The following CASK variants were observed in gnomAD, a reference collection of about 807,000 sequenced individuals.
CASK encodes calcium/calmodulin dependent serine protein kinase.
A neutral mutation model predicts 82.9 loss-of-function variants in CASK; 4 were observed. The observed-to-expected ratio is 0.05, with a 90% CI of 0.02 to 0.11. CASK has a LOEUF of 0.11. CASK is among the 10% of genes least tolerant of loss of function. CASK has a pLI of 1.00. For synonymous variants in CASK, 259 were observed against 253.5 expected, an observed-to-expected ratio of 1.02 and a Z score of -0.20; for missense variants, 358 against 720.9, an observed-to-expected ratio of 0.50 and a Z score of 5.76.
intron 3 of CASK, among the ~76,000 whole-genome samples, chrX:41,746,030 A>G (rs375176391): frequency 8.9e-6 from 1 of 112,162 alleles, no homozygotes; most frequent in East Asian, 2.8e-4. Flanking sequence ...TTCAGGCTAT[A>G]TACTGTGGAA....
intron 3 of CASK, among the ~76,000 whole-genome samples, chrX:41,771,202 A>G (rs1055245993): frequency 1.8e-5 from 2 of 112,280 alleles, no homozygotes; most frequent in Non-Finnish European, 3.8e-5. Context: ...CTCCACATCA[A>G]TGGATGCCAG....
chrX:41,648,258 A>G (rs925529378), intron 8 of CASK, among the ~76,000 whole-genome samples: 1 of 111,389 alleles, frequency 9.0e-6, no homozygotes, highest in Non-Finnish European at 1.9e-5. Flanking sequence ...CAGGCTTATT[A>G]GGAAGAGGAA....
intron 9 of CASK, among the ~76,000 whole-genome samples, chrX:41,627,769 G>A (rs762915351): frequency 1.3e-3 from 146 of 112,687 alleles, no homozygotes; most frequent in African/African-American, 4.4e-3. Flanking sequence ...TTGGGAGGCC[G>A]AGGCGGGTGG....
At chrX:41,823,079 T>C (rs1218955044) in intron 2 of CASK, among the ~76,000 whole-genome samples, 1 of 108,875 alleles carries the variant, frequency 9.2e-6, no homozygotes, top group Non-Finnish European at 1.9e-5. Flanking sequence ...ATGTCTCTTA[T>C]CTCTCTTAAC....
At chrX:41,652,758 C>T (rs765771212) in intron 8 of CASK, among the ~76,000 whole-genome samples, 1 of 112,056 alleles carries the variant, frequency 8.9e-6, no homozygotes, top group South Asian at 3.7e-4. Context: ...GGAAGCTTCC[C>T]ACTTCACCCC....
chrX:41,731,495 AC>A (rs1293632666), intron 5 of CASK, among the ~76,000 whole-genome samples: 1 of 112,265 alleles, frequency 8.9e-6, no homozygotes, highest in Non-Finnish European at 1.9e-5. Context: ...TTACAGCTCT[AC>A]CACTACTTTA....
chrX:41,596,147 A>T (rs910888442), intron 12 of CASK, among the ~76,000 whole-genome samples: 1 of 104,559 alleles, frequency 9.6e-6, no homozygotes, highest in Non-Finnish European at 2.0e-5. Context: ...GTGAGCCGAG[A>T]TCACACCACT....
intron 8 of CASK, among the ~76,000 whole-genome samples, chrX:41,651,553 G>A (rs1345803367): frequency 1.8e-5 from 2 of 111,159 alleles, no homozygotes; most frequent in Non-Finnish European, 3.8e-5. Flanking sequence ...ACCACGCTTG[G>A]CTAATTTTTT....
Position 41,783,503 on chromosome X carries a change from C to T in CASK, c.278+3675G>A, listed in dbSNP as rs7059718. On this transcript the variant is annotated intron_variant, in intron 3 of 26. Transcript: ENST00000378163. ...GACGGAGGTTGCAGTGAGCCAAGAT[C>T]GCGCCGCTGCACGCCAGCCTGGACA... Among the ~76,000 whole-genome samples the T allele has an allele frequency of 9.2e-3, 957 of 104,587 alleles. 13 individuals carry two copies. The highest frequency in any genetic ancestry group is 0.033 in the African/African-American group (924 of 28,367). 90.8% of individuals were successfully genotyped at this position (104,587 alleles called of 115,157 possible).
chrX:41,600,328 A>T (rs2065876055), intron 12 of CASK, among the ~76,000 whole-genome samples: 1 of 112,456 alleles, frequency 8.9e-6, no homozygotes, highest in Admixed American at 9.4e-5. Flanking sequence ...GGCCACAAAG[A>T]GAAGAAAACA....
At chrX:41,800,287 T>A (rs2069966213) in intron 2 of CASK, among the ~76,000 whole-genome samples, 1 of 109,806 alleles carries the variant, frequency 9.1e-6, no homozygotes, top group Non-Finnish European at 1.9e-5. Context: ...TCATACCTCC[T>A]CCTTCCCGGC....
intron 2 of CASK, among the ~76,000 whole-genome samples, chrX:41,800,617 G>C (rs921549511): frequency 5.1e-4 from 55 of 108,518 alleles, no homozygotes; most frequent in Non-Finnish European, 9.4e-4. Context: ...TCGTCATTTA[G>C]CATTAGGTAT....
intron 5 of CASK, among the ~76,000 whole-genome samples, chrX:41,687,519 A>G (rs1020442031): frequency 8.9e-6 from 1 of 112,199 alleles, no homozygotes; most frequent in African/African-American, 3.2e-5. Context: ...AATGAAACAT[A>G]AAGAATCATG....
intron 2 of CASK, among the ~76,000 whole-genome samples, chrX:41,792,175 T>C (rs1238748384): frequency 8.9e-6 from 1 of 111,858 alleles, no homozygotes; most frequent in African/African-American, 3.3e-5. Flanking sequence ...TCCTGTAAAG[T>C]ATTATTTTAC....
intron 11 of CASK, among the ~76,000 whole-genome samples, chrX:41,611,343 CAT>C (rs1489789183): frequency 9.0e-6 from 1 of 111,164 alleles, no homozygotes; most frequent in African/African-American, 3.3e-5. Flanking sequence ...AATCTGGTAA[CAT>C]ATATCAAAAA....
At chrX:41,849,521 A>C (rs1023762659) in intron 2 of CASK, among the ~76,000 whole-genome samples, 1 of 111,927 alleles carries the variant, frequency 8.9e-6, no homozygotes, top group Non-Finnish European at 1.9e-5. Flanking sequence ...TCATGTTCAT[A>C]AGCATGAATT....
At chrX:41,727,908 C>T (rs781231866) in intron 5 of CASK, 3 of 1,203,578 alleles carry the variant, frequency 2.5e-6, no homozygotes, top group East Asian at 5.9e-5. Flanking sequence ...AAAACATTCT[C>T]ACCTGTCTTG....
In CASK at chrX:41,750,669, A is replaced by C. The variant is rs1403752065; in HGVS notation, c.279-5068T>G. ...ATCCATCTGAATTTTTAAAATTTAT[A>C]ATAAACATGCATTATTTATATAATT... On this transcript the variant is annotated intron_variant, in intron 3 of 26. Coordinates refer to ENST00000378163, the MANE Select transcript of CASK (RefSeq NM_001367721.1). Among the ~76,000 whole-genome samples, 4 of 112,464 alleles carry C rather than the reference A, an allele frequency of 3.6e-5. No individual in the cohort carries two copies. In the East Asian group the frequency reaches 1.1e-3, roughly 31 times the overall value.
chrX:41,731,389 C>T (rs1333540138), intron 5 of CASK, among the ~76,000 whole-genome samples: 1 of 112,369 alleles, frequency 8.9e-6, no homozygotes, highest in Non-Finnish European at 1.9e-5. Context: ...CACTGCATTC[C>T]TGCCTGGGTG....
Sources: allele counts gnomAD v4.1 joint callset (sites outside exome capture counted in the v4.1 genomes callset), GRCh38; gene constraint gnomAD v4.1.1; transcripts MANE v1.5; gene names NCBI Gene and HGNC (gene_info 2026-07-23, HGNC 2026-07-21).